RALGAPA2: variants seen among roughly 807,000 people sequenced by gnomAD.
The protein encoded by RALGAPA2 is ral GTPase-activating protein subunit alpha-2.
A neutral mutation model predicts 230.4 loss-of-function variants in RALGAPA2; 139 were observed. That is an observed-to-expected ratio of 0.60 (90% CI 0.53 to 0.69). The LOEUF (loss-of-function observed/expected upper bound fraction) is 0.69, where lower values mean the gene tolerates loss of function less well. RALGAPA2 is among the 30% of genes least tolerant of loss of function. The pLI is 0.00. For synonymous variants in RALGAPA2, 847 were observed against 837.8 expected (o/e 1.01, Z -0.19); for missense variants, 2,163 against 2,276.0 (o/e 0.95, Z 1.01).
Position 20,601,814 on chromosome 20 carries a change from C to G in RALGAPA2, c.2071G>C (p.Val691Leu). ...CAGCTGAGAGAAAAGGACCTCCCCA[C>G]GGTGGTTCCTTTCTGAGGATCTAGA... Reference protein sequence around the residue: ...CVLDPQKGTTVGRSFSLSWRS... With the variant: ...CVLDPQKGTTLGRSFSLSWRS... The change falls in exon 16 of 40, where the codon GTG (valine) becomes CTG (leucine). Residue 691 changes from valine to leucine, a missense_variant. Transcript: ENST00000202677. The G allele has an allele frequency of 6.2e-7, 1 of 1,610,812 alleles. No homozygotes were observed. The highest frequency in any genetic ancestry group is 1.1e-5 in the South Asian group (1 of 90,272).
At chr20:20,483,743 C>T (rs1221732040) in intron 36 of RALGAPA2, among the ~76,000 whole-genome samples, 1 of 152,152 alleles carries the variant, frequency 6.6e-6, no homozygotes, top group Non-Finnish European at 1.5e-5. Context: ...CATGTTTTTC[C>T]CACATTTCTA....
rs540649324 is a variant in RALGAPA2, at chr20:20,694,796, A to G, written c.107-13995T>C. On this transcript the variant is annotated intron_variant, in intron 1 of 39. Coordinates refer to ENST00000202677, the MANE Select transcript of RALGAPA2 (RefSeq NM_020343.4). ...CGAGGCAGGTGCAGGGAAGAGAGAG[A>G]GAAAGGAATGCACCCAAGCAAGAGC... Among the ~76,000 whole-genome samples the G allele has an allele frequency of 3.0e-4, 46 of 152,296 alleles. 1 individual carries two copies. In the South Asian group the frequency reaches 9.3e-3, roughly 31 times the overall value.
At chr20:20,700,408 A>G (rs2069305397) in intron 1 of RALGAPA2, among the ~76,000 whole-genome samples, 1 of 152,188 alleles carries the variant, frequency 6.6e-6, no homozygotes, top group Non-Finnish European at 1.5e-5. Context: ...ATCACACAAC[A>G]TACCCACGTA....
intron 25 of RALGAPA2, 147 bp downstream of exon 25, chr20:20,536,509 T>C (rs1569469134): frequency 1.2e-6 from 1 of 865,598 alleles, no homozygotes; most frequent in East Asian, 3.1e-5. Flanking sequence ...CCATGAATAG[T>C]CTTCTAGAAA....
intron 1 of RALGAPA2, among the ~76,000 whole-genome samples, chr20:20,701,122 C>T (rs1476175681): frequency 6.6e-6 from 1 of 152,184 alleles, no homozygotes; most frequent in East Asian, 1.9e-4. Context: ...TAAAGGAACT[C>T]GAGCCAGCTC....
In RALGAPA2 at chr20:20,632,312, G is replaced by A. The variant is rs571864971; in HGVS notation, c.1006-2722C>T. On this transcript the variant is annotated intron_variant, in intron 9 of 39. Coordinates refer to ENST00000202677, the MANE Select transcript of RALGAPA2 (RefSeq NM_020343.4). Reference sequence around the variant, plus strand: ...CCCAAAGTGCTGGGATTACATGTGTGAGCCACCGTGCCCGGCCCCTAATTG... The same window carrying A: ...CCCAAAGTGCTGGGATTACATGTGTAAGCCACCGTGCCCGGCCCCTAATTG... Among the ~76,000 whole-genome samples, 153 of 152,150 alleles carry A rather than the reference G, an allele frequency of 1.0e-3. No individual in the cohort carries two copies. The South Asian group carries it at 0.011, about 11-fold the overall frequency.
At chr20:20,417,371 G>A (rs964748983) in intron 37 of RALGAPA2, among the ~76,000 whole-genome samples, 2 of 152,226 alleles carry the variant, frequency 1.3e-5, no homozygotes, top group Non-Finnish European at 2.9e-5. Flanking sequence ...GAGGCTGCAG[G>A]AGAGATTTTG....
intron 37 of RALGAPA2, among the ~76,000 whole-genome samples, chr20:20,416,604 C>T (rs901657152): frequency 4.6e-5 from 7 of 152,150 alleles, no homozygotes; most frequent in East Asian, 1.9e-4. Context: ...ATAACCAACC[C>T]GCAACGTAAA....
At chr20:20,452,123 T>G (rs931071188) in intron 37 of RALGAPA2, among the ~76,000 whole-genome samples, 1 of 152,162 alleles carries the variant, frequency 6.6e-6, no homozygotes, top group Admixed American at 6.5e-5. Context: ...TCTTCCAATG[T>G]AAAAAAGAAA....
intron 37 of RALGAPA2, among the ~76,000 whole-genome samples, chr20:20,446,508 A>G (rs1451339245): frequency 6.6e-6 from 1 of 152,224 alleles, no homozygotes; most frequent in Non-Finnish European, 1.5e-5. Flanking sequence ...GAGGAGAATG[A>G]TGATTAAGAG....
intron 23 of RALGAPA2, among the ~76,000 whole-genome samples, chr20:20,567,673 T>C (rs1348309510): frequency 2.0e-5 from 3 of 151,998 alleles, no homozygotes; most frequent in African/African-American, 7.2e-5. Context: ...TTTAGATATT[T>C]TTTTGAAGTT....
At chr20:20,598,414 T>A (rs2065529156) in intron 16 of RALGAPA2, among the ~76,000 whole-genome samples, 1 of 152,230 alleles carries the variant, frequency 6.6e-6, no homozygotes, top group South Asian at 2.1e-4. Flanking sequence ...TTTCCCCCTA[T>A]TAAATAGCTA....
At chr20:20,484,720 G>T (rs1421380430) in intron 36 of RALGAPA2, among the ~76,000 whole-genome samples, 1 of 152,036 alleles carries the variant, frequency 6.6e-6, no homozygotes, top group Non-Finnish European at 1.5e-5. Flanking sequence ...ATAAGATTAA[G>T]ATAAAATAAC....
chr20:20,712,280 A>ACCCCCCCCC lies in RALGAPA2; in HGVS notation c.106+94_106+95insGGGGGGGGG. The ACCCCCCCCC allele has an allele frequency of 2.5e-6, 1 of 392,468 alleles. No homozygotes were observed. Among genetic ancestry groups the ACCCCCCCCC allele is most frequent in the Non-Finnish European group, 4.4e-6 (1 of 227,788 alleles). The allele number at this position is 392,468 out of a possible 1,614,324, so 24.3% of individuals were successfully genotyped here. A position where few individuals can be genotyped will look rare whatever the true frequency, so the allele number is the denominator to read the frequency against. On this transcript the variant is annotated intron_variant, in intron 1 of 39. Transcript: ENST00000202677. This position sits in a 1 kb window ranked among gnomAD's most constrained non-coding sequence, Gnocchi z 5.5. ...CGGACGCCCACCCATCCCCCTCCCCAGCCTCCCAGCCACCGACCCCTGCAC... is the reference window on the plus strand; with the variant it reads ...CGGACGCCCACCCATCCCCCTCCCCACCCCCCCCCGCCTCCCAGCCACCGACCCCTGCAC...
Position 20,654,710 on chromosome 20 carries a change from G to A in RALGAPA2, c.271-1123C>T, listed in dbSNP as rs748427577. Among the ~76,000 whole-genome samples the A allele has an allele frequency of 2.8e-4, 42 of 152,218 alleles. 1 individual carries two copies. The highest frequency in any genetic ancestry group is 8.8e-5 in the Non-Finnish European group (6 of 68,036). On this transcript the variant is annotated intron_variant, in intron 3 of 39. Transcript: ENST00000202677. ...ATAATGCTGCAATAAACATGGGAGTGCAGATATCTCTTCTGCATACTGATT... is the reference window on the plus strand; with the variant it reads ...ATAATGCTGCAATAAACATGGGAGTACAGATATCTCTTCTGCATACTGATT...
intron 20 of RALGAPA2, among the ~76,000 whole-genome samples, chr20:20,578,949 T>C (rs1201341283): frequency 6.6e-6 from 1 of 152,206 alleles, no homozygotes; most frequent in Non-Finnish European, 1.5e-5. Context: ...CTATCATTAT[T>C]ATTTTTCTTT....
chr20:20,627,371 C>T (rs903025006), intron 10 of RALGAPA2, among the ~76,000 whole-genome samples: 2 of 152,084 alleles, frequency 1.3e-5, no homozygotes, highest in African/African-American at 4.8e-5. Flanking sequence ...AAAATCAGCC[C>T]GGCTTTGGTC....
rs151030085 is a variant in RALGAPA2 at position 20,566,142 on chromosome 20, C to T, written c.3156+5316G>A. On this transcript the variant is annotated intron_variant, in intron 23 of 39. Coordinates refer to ENST00000202677, the MANE Select transcript of RALGAPA2 (RefSeq NM_020343.4). Reference sequence around the variant, plus strand: ...GGACCCAGATCCCCCTGTGCTGCTGCCCACCACTCCCCACATCTACCTTCA... The same window carrying T: ...GGACCCAGATCCCCCTGTGCTGCTGTCCACCACTCCCCACATCTACCTTCA... Among the ~76,000 whole-genome samples, 1,121 of 152,260 alleles carry T rather than the reference C, an allele frequency of 7.4e-3. 6 individuals carry two copies. Among genetic ancestry groups the T allele is most frequent in the Admixed American group, 0.014 (215 of 15,300 alleles).
chr20:20,656,497 T>G (rs1440261123), intron 3 of RALGAPA2, among the ~76,000 whole-genome samples: 1 of 152,138 alleles, frequency 6.6e-6, no homozygotes, highest in Non-Finnish European at 1.5e-5. Context: ...CATCTATAAA[T>G]TGTACAGAAG....
Sources: gnomAD v4.1 joint callset for allele counts (sites outside exome capture counted in the v4.1 genomes callset) on GRCh38, gnomAD v4.1.1 for gene constraint, Gnocchi (gnomAD v3.1) non-coding constraint, MANE v1.5 for transcripts, NCBI Gene and HGNC (gene_info 2026-07-23, HGNC 2026-07-21) for gene names.